MCM5: variants seen among roughly 807,000 people sequenced by gnomAD.
MCM5 encodes DNA replication licensing factor MCM5.
In MCM5, 46 loss-of-function variants were observed where a neutral mutation model predicts 79.9. The ratio of observed to expected loss-of-function variants is 0.58; its 90% CI spans 0.45 to 0.74. The LOEUF is 0.74. Ranked by LOEUF, MCM5 falls within the 30% of genes least tolerant of loss-of-function variation. The pLI, the probability that MCM5 is intolerant of heterozygous loss-of-function variation, is 0.00. For synonymous variants in MCM5, 404 were observed against 390.5 expected, an observed-to-expected ratio of 1.03 and a Z score of -0.41; for missense variants, 883 against 1,017.0, an observed-to-expected ratio of 0.87 and a Z score of 1.79.
At chr22:35,453,819 T>TATATAGAG in the MCM5 span, among the ~76,000 whole-genome samples, 3,232 of 81,348 alleles carry the variant, frequency 0.04, 102 homozygotes, top group African/African-American at 0.072. Flanking sequence ...TATATATATA[T>TATATAGAG]AGAGAGAGAG....
At chr22:35,433,738 C>G in the MCM5 span, among the ~76,000 whole-genome samples, 1 of 152,204 alleles carries the variant, frequency 6.6e-6, no homozygotes, top group Admixed American at 6.5e-5. Context: ...CAGGGCTGGG[C>G]ACATTTGGTG....
chr22:35,400,568 G>C lies in MCM5; in HGVS notation c.130G>C (p.Val44Leu). The C allele has an allele frequency of 6.2e-7, 1 of 1,613,602 alleles. No individual in the cohort carries two copies. Among genetic ancestry groups the C allele is most frequent in the Non-Finnish European group, 8.5e-7 (1 of 1,179,786 alleles). ...RFKEFLRQYR[V>L]GTDRTGFTFK... ...CAAGGAGTTCCTGCGGCAGTACCGA[G>C]TGGGCACCGACCGCACGGGCTTCAC... The change falls in exon 2 of 17, where the codon GTG becomes CTG. Residue 44 changes from valine to leucine, a missense_variant. This residue lies in a region of MCM5 where 455 missense variants were observed against 517.5 expected (regional missense o/e 0.88). Transcript: ENST00000216122.
the MCM5 span, among the ~76,000 whole-genome samples, chr22:35,431,144 G>A: frequency 1.3e-5 from 2 of 152,212 alleles, no homozygotes; most frequent in Admixed American, 6.5e-5. Flanking sequence ...CAGCCCAGAC[G>A]CTGCCTGGAG....
chr22:35,454,313 G>A, the MCM5 span, among the ~76,000 whole-genome samples: 2 of 152,114 alleles, frequency 1.3e-5, no homozygotes, highest in African/African-American at 2.4e-5. Flanking sequence ...CACCACAGGG[G>A]CGTCCTGGGG....
At chr22:35,417,536 A>G (rs1255521236) in intron 12 of MCM5, among the ~76,000 whole-genome samples, 1 of 152,238 alleles carries the variant, frequency 6.6e-6, no homozygotes, top group East Asian at 1.9e-4. Context: ...AGGAGCATTA[A>G]GTTCTCTCTA....
intron 15 of MCM5, 155 bp downstream of exon 15, chr22:35,421,615 T>C: frequency 1.1e-6 from 1 of 903,752 alleles, no homozygotes; most frequent in Non-Finnish European, 1.8e-6. Context: ...ATAAGACCCC[T>C]CTCCTCCTTT....
chr22:35,411,971 C>T (rs1309232289), intron 7 of MCM5, among the ~76,000 whole-genome samples: 1 of 152,176 alleles, frequency 6.6e-6, no homozygotes, highest in Non-Finnish European at 1.5e-5. Flanking sequence ...ACCCCCAAGT[C>T]ACCCTTGGTG....
chr22:35,402,262 A>G (rs749591532), intron 2 of MCM5, among the ~76,000 whole-genome samples: 4 of 151,888 alleles, frequency 2.6e-5, no homozygotes, highest in Non-Finnish European at 4.4e-5. Flanking sequence ...CAGTCTGACT[A>G]GAGGTTGATA....
the MCM5 span, among the ~76,000 whole-genome samples, chr22:35,454,618 C>A: frequency 6.6e-6 from 1 of 152,212 alleles, no homozygotes; most frequent in African/African-American, 2.4e-5. Context: ...CTTGGCTTAG[C>A]CTCTTCCCCA....
At chr22:35,453,782 CAGAGAT>C in the MCM5 span, among the ~76,000 whole-genome samples, 7 of 121,800 alleles carry the variant, frequency 5.7e-5, no homozygotes, top group Admixed American at 6.2e-4. Context: ...TATAGGAAGA[CAGAGAT>C]AGAGACAAAA....
downstream of MCM5, among the ~76,000 whole-genome samples, chr22:35,428,349 G>T (rs181358529): frequency 2.6e-5 from 4 of 151,366 alleles, no homozygotes; most frequent in East Asian, 7.8e-4. Flanking sequence ...AGAGATGGGG[G>T]TGGTTCTCAC....
the MCM5 span, among the ~76,000 whole-genome samples, chr22:35,432,780 G>A: frequency 4.3e-4 from 66 of 152,114 alleles, no homozygotes; most frequent in Admixed American, 8.5e-4. Flanking sequence ...GCCAGGCAGC[G>A]CTGTGTGAGG....
At chr22:35,443,710 C>T in the MCM5 span, among the ~76,000 whole-genome samples, 1 of 152,228 alleles carries the variant, frequency 6.6e-6, no homozygotes, top group Non-Finnish European at 1.5e-5. Flanking sequence ...CCTGCAGCCT[C>T]CTGCACAGTG....
the MCM5 span, among the ~76,000 whole-genome samples, chr22:35,439,133 A>T: frequency 6.6e-6 from 1 of 151,700 alleles, no homozygotes; most frequent in Non-Finnish European, 1.5e-5. Context: ...CCATCCATCC[A>T]TCCACTCACA....
At chr22:35,446,362 G>A in the MCM5 span, among the ~76,000 whole-genome samples, 1 of 152,152 alleles carries the variant, frequency 6.6e-6, no homozygotes, top group Non-Finnish European at 1.5e-5. Flanking sequence ...CACAGAGGAA[G>A]CCAAGTGTCC....
Position 35,419,937 on chromosome 22 carries a change from A to G in MCM5, c.1757A>G (p.Tyr586Cys). ...AEAAEKLKNR[Y>C]IIMRSGARQH... ...GCTGCAGAGAAACTGAAGAACCGCT[A>G]CATCATCATGCGGAGCGGGGCCCGT... Residue 586 changes from tyrosine to cysteine, a missense_variant, in exon 14 of 17, where the codon TAC becomes TGC. Around this residue, in one of 3 missense-constraint regions of MCM5, gnomAD observed 426 missense variants for 482.3 expected, o/e 0.88. Coordinates refer to ENST00000216122, the MANE Select transcript of MCM5 (RefSeq NM_006739.4). The G allele has an allele frequency of 3.1e-6, 5 of 1,613,388 alleles. No individual in the cohort carries two copies. Among genetic ancestry groups the G allele is most frequent in the Non-Finnish European group, 4.2e-6 (5 of 1,179,728 alleles).
chr22:35,444,495 C>G, the MCM5 span, among the ~76,000 whole-genome samples: 1 of 152,188 alleles, frequency 6.6e-6, no homozygotes, highest in African/African-American at 2.4e-5. Flanking sequence ...TCCTGGATCC[C>G]TCCTGGGCTG....
Position 35,403,333 on chromosome 22 carries a change from G to C in MCM5, c.294G>C (p.Leu98=), listed in dbSNP as rs769373945. The change falls in exon 3 of 17, where the codon CTG becomes CTC. Residue 98 remains leucine, a splice_region_variant and synonymous_variant. Coordinates refer to ENST00000216122, the MANE Select transcript of MCM5 (RefSeq NM_006739.4). ...LYKQPAEHLQ[L]LEEAAKEVAD... is the part of the protein sequence containing the mutation. The stretch of plus-strand genomic sequence containing the variant: ...AGCAGCCAGCCGAGCACCTGCAGCT[G>C]GTGAGTGGGACCCCATCCCTGAGCT... 1.2e-6 allele frequency: 2 copies of C among 1,614,166 alleles called. No homozygotes were observed. The highest frequency in any genetic ancestry group is 2.2e-5 in the South Asian group (2 of 91,088).
Position 35,415,909 on chromosome 22 carries a change from C to A in MCM5, c.1284C>A (p.Ile428=), listed in dbSNP as rs1473294829. The change falls in exon 10 of 17, where the codon ATC becomes ATA. Residue 428 remains isoleucine, a synonymous_variant. Coordinates refer to ENST00000216122, the MANE Select transcript of MCM5 (RefSeq NM_006739.4). ...GGGACCCTTCGTCCCGGAATTTCAT[C>A]ATGGAGGGCGGAGCCATGGTCCTGG... ...VMRDPSSRNF[I]MEGGAMVLAD... is the part of the protein sequence containing the mutation. The A allele has an allele frequency of 1.9e-6, 3 of 1,614,174 alleles. No homozygotes were observed. Among genetic ancestry groups the A allele is most frequent in the Middle Eastern group, 3.3e-4 (2 of 6,050 alleles).
Sources: gnomAD v4.1 joint callset for allele counts (sites outside exome capture counted in the v4.1 genomes callset) on GRCh38, gnomAD v4.1.1 for gene constraint, gnomAD v4.1.1 regional missense constraint, MANE v1.5 for transcripts, NCBI Gene and HGNC (gene_info 2026-07-23, HGNC 2026-07-21) for gene names.